The following ULK4 variants were observed in gnomAD, a reference collection of about 807,000 sequenced individuals.
ULK4 encodes the protein inactive serine/threonine-protein kinase ULK4.
Under a neutral mutation model 160.6 loss-of-function variants are expected in ULK4, and 133 were observed. That is an observed-to-expected ratio of 0.83 (90% CI 0.72 to 0.96). The LOEUF (loss-of-function observed/expected upper bound fraction) is 0.96, where lower values mean the gene tolerates loss of function less well. Ranked by LOEUF, ULK4 falls within the 40% of genes least tolerant of loss-of-function variation. The pLI is 0.00. For synonymous variants in ULK4, 534 were observed against 539.8 expected (o/e 0.99, Z 0.15); for missense variants, 1,580 against 1,499.5 (o/e 1.05, Z -0.89).
intron 32 of ULK4, among the ~76,000 whole-genome samples, chr3:41,559,400 A>C (rs2087467547): frequency 6.8e-6 from 1 of 147,550 alleles, no homozygotes; most frequent in African/African-American, 2.4e-5. Context: ...CAGTAATGGG[A>C]TGGCTGGGTC....
chr3:41,571,051 G>A (rs1475204905), intron 31 of ULK4, among the ~76,000 whole-genome samples: 6 of 152,166 alleles, frequency 3.9e-5, no homozygotes, highest in Non-Finnish European at 8.8e-5. Flanking sequence ...TTCTATTCTA[G>A]ACGTTATTAA....
At chr3:41,439,460 G>T (rs1467848276) in intron 34 of ULK4, among the ~76,000 whole-genome samples, 1 of 152,136 alleles carries the variant, frequency 6.6e-6, no homozygotes, top group Non-Finnish European at 1.5e-5. Flanking sequence ...AATTCACCCA[G>T]AAAGAAATGA....
intron 32 of ULK4, among the ~76,000 whole-genome samples, chr3:41,560,195 G>C (rs543016180): frequency 3.9e-5 from 6 of 152,200 alleles, no homozygotes; most frequent in African/African-American, 1.2e-4. Context: ...TTATTTCTGA[G>C]GCCTCTGTTC....
intron 27 of ULK4, among the ~76,000 whole-genome samples, chr3:41,687,350 C>A (rs551968779): frequency 2.0e-5 from 3 of 149,176 alleles, no homozygotes; most frequent in Non-Finnish European, 4.4e-5. Flanking sequence ...TCCAGTCTGG[C>A]GATGAAGAGA....
chr3:41,747,040 C>T (rs553786011), intron 22 of ULK4, among the ~76,000 whole-genome samples: 2 of 152,000 alleles, frequency 1.3e-5, no homozygotes, highest in East Asian at 1.9e-4. Context: ...AAATGTAAAG[C>T]GTATAACCAT....
At chr3:41,560,049 C>T (rs933432290) in intron 32 of ULK4, among the ~76,000 whole-genome samples, 4 of 152,066 alleles carry the variant, frequency 2.6e-5, no homozygotes, top group Non-Finnish European at 5.9e-5. Context: ...TTTGTATAAG[C>T]TGTAAAGAGG....
intron 27 of ULK4, among the ~76,000 whole-genome samples, chr3:41,684,083 C>T (rs1406042055): frequency 6.6e-6 from 1 of 152,284 alleles, no homozygotes; most frequent in Non-Finnish European, 1.5e-5. Context: ...GATTTACCTA[C>T]GCTTCCACCA....
chr3:41,782,515 A>C (rs1463964524), intron 21 of ULK4, among the ~76,000 whole-genome samples: 2 of 152,220 alleles, frequency 1.3e-5, no homozygotes, highest in Non-Finnish European at 2.9e-5. Flanking sequence ...TGTGACCTCT[A>C]AGTATCTCGG....
intron 17 of ULK4, among the ~76,000 whole-genome samples, chr3:41,873,596 C>G (rs1400403572): frequency 6.6e-6 from 1 of 152,110 alleles, no homozygotes; most frequent in African/African-American, 2.4e-5. Flanking sequence ...CTCTGTCGCC[C>G]AGGCTAGAGC....
intron 30 of ULK4, among the ~76,000 whole-genome samples, chr3:41,641,525 C>G (rs909766980): frequency 3.3e-5 from 5 of 151,960 alleles, no homozygotes; most frequent in African/African-American, 1.2e-4. Flanking sequence ...AGGGAGACCC[C>G]ATCACTACAA....
intron 18 of ULK4, among the ~76,000 whole-genome samples, chr3:41,828,382 T>C (rs554363305): frequency 6.9e-4 from 104 of 150,414 alleles, no homozygotes; most frequent in African/African-American, 2.1e-3. Flanking sequence ...GATGACATGA[T>C]TGTATATCTA....
At chr3:41,470,018 GAAAAAAAAAA>G (rs71094650) in intron 32 of ULK4, among the ~76,000 whole-genome samples, 695 of 45,986 alleles carry the variant, frequency 0.015, 6 homozygotes, top group Middle Eastern at 0.12. Flanking sequence ...AAACAGAACA[GAAAAAAAAAA>G]AAAAAAAAAA....
chr3:41,415,099 G>T (rs1258015555), intron 34 of ULK4, among the ~76,000 whole-genome samples: 5 of 152,160 alleles, frequency 3.3e-5, no homozygotes, highest in African/African-American at 1.2e-4. Context: ...TGTACATTAT[G>T]AACGGACAGT....
intron 18 of ULK4, among the ~76,000 whole-genome samples, chr3:41,832,720 G>C (rs1166078072): frequency 1.3e-5 from 2 of 152,140 alleles, no homozygotes; most frequent in Non-Finnish European, 2.9e-5. Context: ...TTTTGTATAA[G>C]GTGCAAGGAA....
chr3:41,856,605 G>GTA (rs1234790452), intron 17 of ULK4, among the ~76,000 whole-genome samples: 6 of 70,594 alleles, frequency 8.5e-5, no homozygotes, highest in Admixed American at 4.5e-4. Context: ...ATATATATGT[G>GTA]TATATATATA....
intron 35 of ULK4, among the ~76,000 whole-genome samples, chr3:41,389,709 T>C (rs1030067205): frequency 6.6e-6 from 1 of 152,178 alleles, no homozygotes; most frequent in Non-Finnish European, 1.5e-5. Context: ...GCCTTGCATC[T>C]CAGGGATGAA....
chr3:41,826,166 A>T (rs1001185733), intron 18 of ULK4, among the ~76,000 whole-genome samples: 26 of 152,224 alleles, frequency 1.7e-4, no homozygotes, highest in Non-Finnish European at 1.5e-5. Context: ...GAAGCACTAA[A>T]CATGGAAAGA....
intron 31 of ULK4, among the ~76,000 whole-genome samples, chr3:41,590,071 C>G (rs558803812): frequency 1.3e-5 from 2 of 151,668 alleles, no homozygotes; most frequent in African/African-American, 4.8e-5. Flanking sequence ...GGCGCGATCT[C>G]GGCTCACTGT....
intron 34 of ULK4, among the ~76,000 whole-genome samples, chr3:41,435,424 A>G (rs2083011676): frequency 6.6e-6 from 1 of 152,196 alleles, no homozygotes; most frequent in Admixed American, 6.5e-5. Flanking sequence ...ATGATCCAAA[A>G]TAACTATATA....
Sources: gnomAD v4.1 joint callset for allele counts (sites outside exome capture counted in the v4.1 genomes callset) on GRCh38, gnomAD v4.1.1 for gene constraint, MANE v1.5 for transcripts, NCBI Gene and HGNC (gene_info 2026-07-23, HGNC 2026-07-21) for gene names.